Variants in AKAP13 observed in about 807,000 individuals in gnomAD.
AKAP13 encodes the protein A-kinase anchoring protein 13.
AKAP13 carries 80 observed loss-of-function variants against 264.5 expected under a neutral mutation model. The ratio of observed to expected loss-of-function variants is 0.30; its 90% confidence interval spans 0.25 to 0.36. AKAP13 has a LOEUF of 0.36. AKAP13 is among the 10% of genes least tolerant of loss of function. The pLI is 1.00. For missense variants in AKAP13, 3,712 were observed against 3,435.2 expected, an observed-to-expected ratio of 1.08 and a Z score of -2.01; for synonymous variants, 1,380 against 1,250.2, an observed-to-expected ratio of 1.10 and a Z score of -2.19.
intron 1 of AKAP13, among the ~76,000 whole-genome samples, chr15:85,447,944 T>TA (rs1201496106): frequency 6.6e-6 from 1 of 152,162 alleles, no homozygotes; most frequent in African/African-American, 2.4e-5. Flanking sequence ...GAGGAATCGC[T>TA]ATACTGCTTT....
chr15:85,415,672 G>A lies in AKAP13; in HGVS notation c.-12+34874G>A, dbSNP rs1453499620. On this transcript the variant is annotated intron_variant, in intron 1 of 36. Coordinates refer to ENST00000394518, the MANE Select transcript of AKAP13 (RefSeq NM_007200.5). ...CACTTTGGACAGGAGTTAACTAAGAGAATGACCAAGCTCAGTTCAATGAGC... is the reference window on the plus strand; with the variant it reads ...CACTTTGGACAGGAGTTAACTAAGAAAATGACCAAGCTCAGTTCAATGAGC... The A allele has an allele frequency of 4.4e-6, 5 of 1,128,908 alleles. No homozygotes were observed. The African/African-American group carries it at 7.7e-5, about 17-fold the overall frequency. 69.9% of individuals were successfully genotyped at this position (1,128,908 alleles called of 1,614,324 possible). A position where few individuals can be genotyped will look rare whatever the true frequency, so the allele number is the denominator to read the frequency against.
intron 1 of AKAP13, among the ~76,000 whole-genome samples, chr15:85,424,702 C>G (rs1359830561): frequency 1.3e-5 from 2 of 152,224 alleles, no homozygotes; most frequent in African/African-American, 4.8e-5. Flanking sequence ...TGCAAGAGGC[C>G]TAGCTTTCTG....
intron 11 of AKAP13, among the ~76,000 whole-genome samples, chr15:85,657,650 A>G (rs1446233253): frequency 6.7e-6 from 1 of 150,322 alleles, no homozygotes; most frequent in Non-Finnish European, 1.5e-5. Flanking sequence ...TTGTTTTTAT[A>G]TACGTTTGAG....
Position 85,580,884 on chromosome 15 carries a change from A to C in AKAP13, c.2816A>C (p.Glu939Ala). The C allele has an allele frequency of 6.2e-7, 1 of 1,614,204 alleles. No homozygotes were observed. The highest frequency in any genetic ancestry group is 8.5e-7 in the Non-Finnish European group (1 of 1,180,038). Reference sequence around the variant, plus strand: ...GCGGTGACCTGTTCCTCTATTAAGGAAAATGCTCTCTCTTCAGGAACTTTG... The same window carrying C: ...GCGGTGACCTGTTCCTCTATTAAGGCAAATGCTCTCTCTTCAGGAACTTTG... ...DKAVTCSSIK[E>A]NALSSGTLQE... The change falls in exon 7 of 37, where the codon GAA (glutamate) becomes GCA (alanine). Residue 939 changes from glutamate (E) to alanine (A), a missense_variant. Coordinates refer to ENST00000394518, the MANE Select transcript of AKAP13 (RefSeq NM_007200.5).
intron 1 of AKAP13, among the ~76,000 whole-genome samples, chr15:85,429,596 T>C (rs975028987): frequency 2.0e-5 from 3 of 152,154 alleles, no homozygotes; most frequent in African/African-American, 7.2e-5. Context: ...TTGGTGAGTA[T>C]GATAAGTGCC....
chr15:85,522,582 T>G (rs2076861621), intron 3 of AKAP13, among the ~76,000 whole-genome samples: 1 of 152,158 alleles, frequency 6.6e-6, no homozygotes, highest in Non-Finnish European at 1.5e-5. Context: ...GCTCTAAGTT[T>G]GTACCAGATC....
At chr15:85,726,333 A>G in intron 26 of AKAP13, 77 bp from the exon 27 acceptor site, 7 of 1,258,954 alleles carry the variant, frequency 5.6e-6, no homozygotes, top group East Asian at 4.7e-5. Flanking sequence ...ACACCCTTCA[A>G]TAAAAAACCT....
intron 12 of AKAP13, among the ~76,000 whole-genome samples, chr15:85,660,898 A>G (rs2083313699): frequency 6.6e-6 from 1 of 152,066 alleles, no homozygotes; most frequent in South Asian, 2.1e-4. Flanking sequence ...ACATCCTCCC[A>G]CCCATTTTCC....
intron 17 of AKAP13, chr15:85,702,256 C>T (rs2085965711): frequency 6.6e-6 from 1 of 152,180 alleles, no homozygotes; most frequent in African/African-American, 2.4e-5. Context: ...CACACACACA[C>T]ACACACACAC....
chr15:85,504,064 G>A (rs1339409856), intron 2 of AKAP13, among the ~76,000 whole-genome samples: 1 of 152,130 alleles, frequency 6.6e-6, no homozygotes, highest in Non-Finnish European at 1.5e-5. Flanking sequence ...CCAGTGTGTG[G>A]AGGCCAGCTT....
intron 1 of AKAP13, among the ~76,000 whole-genome samples, chr15:85,447,371 TAAA>T (rs552221851): frequency 6.6e-6 from 1 of 151,980 alleles, no homozygotes; most frequent in African/African-American, 2.4e-5. Flanking sequence ...ACTCCTTTTT[TAAA>T]AAAAAATTTT....
intron 14 of AKAP13, 152 bp downstream of exon 14, chr15:85,669,982 G>A (rs1246106607): frequency 8.9e-6 from 4 of 450,728 alleles, no homozygotes; most frequent in African/African-American, 8.0e-5. Flanking sequence ...CAGAAAAGGT[G>A]GCATAGAGTT....
At chr15:85,657,041 G>A (rs543971989) in intron 11 of AKAP13, among the ~76,000 whole-genome samples, 1 of 152,234 alleles carries the variant, frequency 6.6e-6, no homozygotes, top group African/African-American at 2.4e-5. Flanking sequence ...AGCTACTCGA[G>A]AGGATGAGAT....
intron 8 of AKAP13, among the ~76,000 whole-genome samples, chr15:85,586,237 C>T (rs1403467039): frequency 6.6e-6 from 1 of 151,028 alleles, no homozygotes; most frequent in Non-Finnish European, 1.5e-5. Flanking sequence ...GTCACCCAGG[C>T]TGGAGTGCAG....
chr15:85,665,896 A>G (rs529743573), intron 13 of AKAP13, among the ~76,000 whole-genome samples: 115 of 152,284 alleles, frequency 7.6e-4, no homozygotes, highest in African/African-American at 2.7e-3. Context: ...TCCATGGTGT[A>G]TATGTGCCAC....
chr15:85,666,512 A>G (rs924011029), intron 13 of AKAP13, among the ~76,000 whole-genome samples: 2 of 152,102 alleles, frequency 1.3e-5, no homozygotes, highest in Non-Finnish European at 2.9e-5. Flanking sequence ...TTAAGAGAGC[A>G]TCTATGCTCC....
At chr15:85,569,662 A>G (rs1480492897) in intron 5 of AKAP13, among the ~76,000 whole-genome samples, 1 of 152,042 alleles carries the variant, frequency 6.6e-6, no homozygotes, top group East Asian at 2.0e-4. Context: ...CATGTTGGCC[A>G]GGCTGGCCTT....
At chr15:85,381,385 C>T (rs1055938759) in intron 1 of AKAP13, among the ~76,000 whole-genome samples, 2 of 151,732 alleles carry the variant, frequency 1.3e-5, no homozygotes, top group African/African-American at 4.8e-5. Flanking sequence ...CCGCGCGGGT[C>T]GCAGGCGAGC....
chr15:85,510,252 T>A (rs1471832351), intron 2 of AKAP13, among the ~76,000 whole-genome samples: 1 of 152,238 alleles, frequency 6.6e-6, no homozygotes, highest in Non-Finnish European at 1.5e-5. Context: ...GTGATCTGTC[T>A]TGAGCTTTGA....
Sources: allele counts gnomAD v4.1 joint callset (sites outside exome capture counted in the v4.1 genomes callset), GRCh38; gene constraint gnomAD v4.1.1; transcripts MANE v1.5; gene names NCBI Gene and HGNC (gene_info 2026-07-23, HGNC 2026-07-21).